The following PAPPA2 variants were observed in gnomAD, a reference collection of about 807,000 sequenced individuals.
PAPPA2 encodes pappalysin 2.
In PAPPA2, 86 loss-of-function variants were observed where a neutral mutation model predicts 176.4. The observed-to-expected ratio is 0.49, with a 90% CI of 0.41 to 0.58. The LOEUF is 0.58. Among genes scored for constraint, PAPPA2 ranks in the 20% least tolerant of loss-of-function variants. The probability of loss-of-function intolerance (pLI) is 0.00; values close to 1 mark genes in which losing one functional copy is unlikely to be tolerated. For synonymous variants in PAPPA2, 809 were observed against 852.2 expected (o/e 0.95, Z 0.88); for missense variants, 2,073 against 2,256.9 (o/e 0.92, Z 1.65).
intron 14 of PAPPA2, among the ~76,000 whole-genome samples, chr1:176,742,823 C>T (rs540495790): frequency 1.3e-5 from 2 of 152,270 alleles, no homozygotes; most frequent in South Asian, 4.1e-4. Flanking sequence ...CTTCTTACCC[C>T]TTATGACCTG....
intron 4 of PAPPA2, among the ~76,000 whole-genome samples, chr1:176,686,186 A>G (rs1390759113): frequency 6.6e-6 from 1 of 152,160 alleles, no homozygotes; most frequent in South Asian, 2.1e-4. Context: ...GCTTTGAAGA[A>G]ATACCTGAGG....
chr1:176,750,102 T>A (rs1257776869), intron 14 of PAPPA2, among the ~76,000 whole-genome samples: 1 of 152,226 alleles, frequency 6.6e-6, no homozygotes, highest in Non-Finnish European at 1.5e-5. Flanking sequence ...AATGGCATCC[T>A]CAGATCTTTT....
chr1:176,641,582 T>A (rs747019765), intron 3 of PAPPA2, among the ~76,000 whole-genome samples: 2 of 151,956 alleles, frequency 1.3e-5, no homozygotes, highest in African/African-American at 2.4e-5. Context: ...ATGCTGTTTT[T>A]GGTTACTGTA....
At chr1:176,602,064 A>T (rs1654357039) in intron 3 of PAPPA2, among the ~76,000 whole-genome samples, 1 of 152,222 alleles carries the variant, frequency 6.6e-6, no homozygotes, top group Admixed American at 6.5e-5. Context: ...TGAACAAGGC[A>T]TCAATCATCT....
In PAPPA2 at chr1:176,516,513, G is replaced by A. The variant is rs112836985; in HGVS notation, c.-916-38894G>A. On this transcript the variant is annotated intron_variant, in intron 1 of 22. Transcript: ENST00000367662. ...ACTCCCAATGCAATACTATTCAAAG[G>A]TGGGGCCTTTAGGAGGTGATTGGGT... Among the ~76,000 whole-genome samples, 400 of 152,180 alleles carry A rather than the reference G, an allele frequency of 2.6e-3. 1 individual carries two copies. Among genetic ancestry groups the A allele is most frequent in the African/African-American group, 8.9e-3 (368 of 41,514 alleles).
At chr1:176,738,674 G>A (rs2102872045) in intron 12 of PAPPA2, among the ~76,000 whole-genome samples, 1 of 152,198 alleles carries the variant, frequency 6.6e-6, no homozygotes, top group South Asian at 2.1e-4. Context: ...AGGGAAAGTT[G>A]AGATTTATTC....
chr1:176,617,994 T>G (rs1228780545), intron 3 of PAPPA2, among the ~76,000 whole-genome samples: 1 of 152,280 alleles, frequency 6.6e-6, no homozygotes, highest in South Asian at 2.1e-4. Context: ...TAAAGGAAGG[T>G]TGAGGCCTGT....
chr1:176,651,284 C>T (rs1657705484), intron 3 of PAPPA2, among the ~76,000 whole-genome samples: 1 of 151,008 alleles, frequency 6.6e-6, no homozygotes, highest in Non-Finnish European at 1.5e-5. Flanking sequence ...GACGGAAGAA[C>T]TCTTTAGCAT....
At chr1:176,615,029 GA>G (rs1212596914) in intron 3 of PAPPA2, among the ~76,000 whole-genome samples, 6 of 152,008 alleles carry the variant, frequency 3.9e-5, no homozygotes, top group Admixed American at 3.3e-4. Flanking sequence ...GATAAGTATG[GA>G]AAAAATTACA....
intron 4 of PAPPA2, among the ~76,000 whole-genome samples, chr1:176,689,624 A>T (rs184071246): frequency 6.6e-6 from 1 of 152,196 alleles, no homozygotes; most frequent in Non-Finnish European, 1.5e-5. Flanking sequence ...TCCAGGAGGT[A>T]AGACGGCTGT....
intron 1 of PAPPA2, among the ~76,000 whole-genome samples, chr1:176,535,473 G>A (rs1267983761): frequency 6.6e-6 from 1 of 152,184 alleles, no homozygotes; most frequent in East Asian, 1.9e-4. Context: ...TGATAACAGA[G>A]ACATAATACA....
chr1:176,591,712 G>T (rs949982130), intron 2 of PAPPA2, among the ~76,000 whole-genome samples: 8 of 152,080 alleles, frequency 5.3e-5, no homozygotes, highest in South Asian at 4.2e-4. Flanking sequence ...ACAGGTCCTC[G>T]TTTATCCTAA....
chr1:176,841,989 A>G (rs1178789259), intron 22 of PAPPA2, among the ~76,000 whole-genome samples: 1 of 152,176 alleles, frequency 6.6e-6, no homozygotes, highest in East Asian at 1.9e-4. Context: ...CATCTTTCCT[A>G]CTTTACAGGG....
At chr1:176,517,263 C>T (rs1393613835) in intron 1 of PAPPA2, among the ~76,000 whole-genome samples, 1 of 152,024 alleles carries the variant, frequency 6.6e-6, no homozygotes, top group African/African-American at 2.4e-5. Flanking sequence ...GACAGCAAAT[C>T]GGGAATGGCA....
At chr1:176,569,805 A>T (rs1652211725) in intron 2 of PAPPA2, among the ~76,000 whole-genome samples, 1 of 152,234 alleles carries the variant, frequency 6.6e-6, no homozygotes, top group Non-Finnish European at 1.5e-5. Flanking sequence ...TCTATTTGGA[A>T]GTAGGCACAT....
intron 1 of PAPPA2, among the ~76,000 whole-genome samples, chr1:176,516,773 G>A (rs988487278): frequency 6.6e-5 from 10 of 152,262 alleles, no homozygotes; most frequent in African/African-American, 2.2e-4. Flanking sequence ...AAATTATCCA[G>A]TCTGTAGTAA....
intron 11 of PAPPA2, among the ~76,000 whole-genome samples, chr1:176,711,100 G>A (rs1045608070): frequency 2.0e-5 from 3 of 152,082 alleles, no homozygotes; most frequent in Non-Finnish European, 4.4e-5. Context: ...TCAGATCCAG[G>A]CCACTTCATC....
chr1:176,752,594 A>G (rs955857497), intron 14 of PAPPA2, among the ~76,000 whole-genome samples: 4 of 152,160 alleles, frequency 2.6e-5, no homozygotes, highest in Admixed American at 6.5e-5. Flanking sequence ...GAGACCTGCA[A>G]ATTTGTGACA....
chr1:176,717,293 C>T (rs1661420800), intron 12 of PAPPA2, among the ~76,000 whole-genome samples: 1 of 152,130 alleles, frequency 6.6e-6, no homozygotes, highest in African/African-American at 2.4e-5. Flanking sequence ...TCTAGTTGCC[C>T]TAACTGCTCA....
Sources: allele counts gnomAD v4.1 joint callset (sites outside exome capture counted in the v4.1 genomes callset), GRCh38; gene constraint gnomAD v4.1.1; transcripts MANE v1.5; gene names NCBI Gene and HGNC (gene_info 2026-07-23, HGNC 2026-07-21).